ELMO1: variants seen among roughly 807,000 people sequenced by gnomAD.
The protein encoded by ELMO1 is engulfment and cell motility 1.
Under a neutral mutation model 98.9 loss-of-function variants are expected in ELMO1, and 26 were observed. That is an observed-to-expected ratio of 0.26 (90% confidence interval 0.19 to 0.36). The LOEUF (loss-of-function observed/expected upper bound fraction) is 0.36. ELMO1 is among the 10% of genes least tolerant of loss of function. The probability of loss-of-function intolerance (pLI) is 1.00; values close to 1 mark genes in which losing one functional copy is unlikely to be tolerated. For synonymous variants in ELMO1, 346 were observed against 346.0 expected (o/e 1.00, Z 0.00); for missense variants, 627 against 935.2 (o/e 0.67, Z 4.30).
At chr7:37,402,475 C>T (rs964755317) in intron 1 of ELMO1, among the ~76,000 whole-genome samples, 1 of 152,140 alleles carries the variant, frequency 6.6e-6, no homozygotes, top group African/African-American at 2.4e-5. Flanking sequence ...GTTTCCCCTT[C>T]CTCTTTCTTC....
chr7:37,275,310 C>T (rs918083123), intron 4 of ELMO1, among the ~76,000 whole-genome samples: 9 of 152,214 alleles, frequency 5.9e-5, no homozygotes, highest in Admixed American at 2.6e-4. Flanking sequence ...GGAAAAGTTC[C>T]GCATTGGCCT....
chr7:37,023,770 G>C (rs1794413365), intron 15 of ELMO1, among the ~76,000 whole-genome samples: 1 of 152,038 alleles, frequency 6.6e-6, no homozygotes, highest in African/African-American at 2.4e-5. Context: ...TTTTAGTAGA[G>C]ACAGGGTTTC....
intron 4 of ELMO1, among the ~76,000 whole-genome samples, chr7:37,288,437 C>T (rs1409473811): frequency 1.3e-5 from 2 of 152,180 alleles, no homozygotes; most frequent in African/African-American, 4.8e-5. Context: ...GTTGGTCAGG[C>T]TGGTCTTGAA....
intron 4 of ELMO1, among the ~76,000 whole-genome samples, chr7:37,276,367 G>C (rs1340003133): frequency 6.6e-6 from 1 of 152,182 alleles, no homozygotes; most frequent in Non-Finnish European, 1.5e-5. Flanking sequence ...CCAGCACTTT[G>C]GGAGGCCCAG....
At chr7:37,410,286 TCTCTC>T (rs1803944445) in intron 1 of ELMO1, among the ~76,000 whole-genome samples, 1 of 152,232 alleles carries the variant, frequency 6.6e-6, no homozygotes, top group Non-Finnish European at 1.5e-5. Flanking sequence ...AGATGTGTCT[TCTCTC>T]CTCTACTAAA....
chr7:37,044,163 T>C (rs1562918688), intron 15 of ELMO1, among the ~76,000 whole-genome samples: 1 of 152,062 alleles, frequency 6.6e-6, no homozygotes, highest in Non-Finnish European at 1.5e-5. Context: ...GGTGTGAAAA[T>C]GCTCAATGAG....
intron 15 of ELMO1, among the ~76,000 whole-genome samples, chr7:37,079,127 C>CT (rs1333835765): frequency 6.6e-6 from 1 of 152,126 alleles, no homozygotes; most frequent in East Asian, 1.9e-4. Context: ...AGATATAGGT[C>CT]TCCGTCTTCA....
At chr7:37,264,412 T>C (rs897389547) in intron 5 of ELMO1, among the ~76,000 whole-genome samples, 1 of 152,200 alleles carries the variant, frequency 6.6e-6, no homozygotes, top group African/African-American at 2.4e-5. Context: ...ATGTGACCTG[T>C]GGTTATTTAT....
intron 20 of ELMO1, among the ~76,000 whole-genome samples, chr7:36,866,060 A>G (rs558642448): frequency 6.6e-6 from 1 of 152,348 alleles, no homozygotes; most frequent in South Asian, 2.1e-4. Flanking sequence ...TCATACACCA[A>G]ATATACTCCT....
intron 15 of ELMO1, among the ~76,000 whole-genome samples, chr7:37,094,586 T>C (rs540441830): frequency 6.6e-6 from 1 of 152,296 alleles, no homozygotes; most frequent in Non-Finnish European, 1.5e-5. Flanking sequence ...GGGGATCCAC[T>C]GACCCAGAGG....
intron 4 of ELMO1, among the ~76,000 whole-genome samples, chr7:37,287,712 G>A (rs1367836805): frequency 6.6e-6 from 1 of 152,096 alleles, no homozygotes; most frequent in Non-Finnish European, 1.5e-5. Flanking sequence ...GCTTTTCATT[G>A]TACTTGGAAG....
chr7:37,275,688 CA>C (rs1443710301), intron 4 of ELMO1, among the ~76,000 whole-genome samples: 1 of 152,240 alleles, frequency 6.6e-6, no homozygotes, highest in African/African-American at 2.4e-5. Flanking sequence ...TCTCAATCAA[CA>C]ATTACATTTA....
chr7:37,003,666 G>GGTTGAATATGCATATGAA (rs1310801375), intron 16 of ELMO1, among the ~76,000 whole-genome samples: 2 of 152,170 alleles, frequency 1.3e-5, no homozygotes, highest in Non-Finnish European at 2.9e-5. Context: ...GTAAATTAGA[G>GGTTGAATATGCATATGAA]GTTGAATATG....
chr7:37,185,844 A>C (rs1791170514), intron 13 of ELMO1, among the ~76,000 whole-genome samples: 1 of 152,218 alleles, frequency 6.6e-6, no homozygotes, highest in African/African-American at 2.4e-5. Context: ...TCCCATGTTC[A>C]TGAATTAGAA....
At chr7:37,334,439 T>G (rs1436879328) in intron 2 of ELMO1, among the ~76,000 whole-genome samples, 2 of 151,980 alleles carry the variant, frequency 1.3e-5, no homozygotes, top group African/African-American at 2.4e-5. Context: ...AGAGCAAAAC[T>G]CCATCTCAAC....
intron 16 of ELMO1, among the ~76,000 whole-genome samples, chr7:36,941,238 C>T (rs900655054): frequency 6.6e-6 from 1 of 152,212 alleles, no homozygotes; most frequent in Non-Finnish European, 1.5e-5. Flanking sequence ...AAGGTATATT[C>T]AGAAGTCACA....
At chr7:37,371,975 T>C (rs1419467081) in intron 1 of ELMO1, among the ~76,000 whole-genome samples, 1 of 152,206 alleles carries the variant, frequency 6.6e-6, no homozygotes, top group East Asian at 1.9e-4. Flanking sequence ...CTTCTCTCAG[T>C]GTCCCTGTTA....
chr7:36,893,216 A>C (rs964924071), intron 17 of ELMO1, among the ~76,000 whole-genome samples: 6 of 152,330 alleles, frequency 3.9e-5, no homozygotes, highest in African/African-American at 1.4e-4. Context: ...ACATCTGCTG[A>C]ACCATGTTAT....
chr7:37,376,589 C>G (rs1473601619), intron 1 of ELMO1, among the ~76,000 whole-genome samples: 1 of 152,152 alleles, frequency 6.6e-6, no homozygotes, highest in East Asian at 1.9e-4. Flanking sequence ...GTAACCCCCA[C>G]CCAGAAACTG....
Sources: gnomAD v4.1 joint callset for allele counts (sites outside exome capture counted in the v4.1 genomes callset) on GRCh38, gnomAD v4.1.1 for gene constraint, MANE v1.5 for transcripts, NCBI Gene and HGNC (gene_info 2026-07-23, HGNC 2026-07-21) for gene names.